The following ST18 variants were observed in gnomAD, a reference collection of about 807,000 sequenced individuals.
ST18 encodes the protein ST18 C2H2C-type zinc finger transcription factor.
A neutral mutation model predicts 110.0 loss-of-function variants in ST18; 50 were observed. The observed-to-expected ratio is 0.45, with a 90% CI of 0.36 to 0.58. ST18 has a LOEUF of 0.58. Ranked by LOEUF, ST18 falls within the 20% of genes least tolerant of loss-of-function variation. The pLI, the probability that ST18 is intolerant of heterozygous loss-of-function variation, is 0.00. For missense variants in ST18, 1,306 were observed against 1,280.1 expected (o/e 1.02, Z -0.31); for synonymous variants, 461 against 452.4 (o/e 1.02, Z -0.24).
intron 2 of ST18, among the ~76,000 whole-genome samples, chr8:52,326,282 C>G (rs1806363723): frequency 6.6e-6 from 1 of 152,096 alleles, no homozygotes; most frequent in South Asian, 2.1e-4. Context: ...AAGGGGAGGA[C>G]AGAGGGAGTT....
intron 9 of ST18, among the ~76,000 whole-genome samples, chr8:52,175,545 G>C (rs994194476): frequency 6.6e-6 from 1 of 152,142 alleles, no homozygotes; most frequent in East Asian, 1.9e-4. Flanking sequence ...ACAGGCCCTT[G>C]GTTGCCTGAG....
intron 3 of ST18, chr8:52,222,188 C>T (rs143619906): frequency 2.6e-5 from 4 of 152,326 alleles, no homozygotes; most frequent in African/African-American, 9.6e-5. Context: ...AGAACTGAAT[C>T]ACATAAGGGA....
chr8:52,221,106 T>TCTATCTATCTATCTATCTATCTATCTAC (rs1372768303), intron 4 of ST18, among the ~76,000 whole-genome samples: 17 of 151,334 alleles, frequency 1.1e-4, no homozygotes, highest in Admixed American at 6.6e-5. Context: ...TATCTATCTA[T>TCTATCTATCTATCTATCTATCTATCTAC]CTATCTATCT....
upstream of ST18, chr8:52,409,771 C>G (rs1427480645): frequency 1.3e-5 from 2 of 152,274 alleles, no homozygotes; most frequent in African/African-American, 4.8e-5. Flanking sequence ...CGCAGAGGCG[C>G]TGCAACTTGC....
At position 52,165,213 on chromosome 8, in the gene ST18, T is replaced by C; in HGVS notation, c.1217A>G (p.His406Arg). 1.2e-6 allele frequency: 2 copies of C among 1,614,238 alleles called. No individual in the cohort carries two copies. Among genetic ancestry groups the C allele is most frequent in the South Asian group, 1.1e-5 (1 of 91,086 alleles). ...VRVPLEILAM[H>R]ENVLKCPTPG... ...CGTGGGACACTTGAGCACATTTTCATGCATGGCAAGAACTAAGCACAAAAC... is the reference window on the plus strand; with the variant it reads ...CGTGGGACACTTGAGCACATTTTCACGCATGGCAAGAACTAAGCACAAAAC... The change falls in exon 12 of 26, where the codon CAT becomes CGT. Residue 406 changes from histidine (H) to arginine (R), a missense_variant. Coordinates refer to ENST00000689386, the MANE Select transcript of ST18 (RefSeq NM_001352837.2).
intron 2 of ST18, among the ~76,000 whole-genome samples, chr8:52,379,639 C>T (rs1334806666): frequency 2.6e-5 from 4 of 151,830 alleles, no homozygotes; most frequent in Admixed American, 2.6e-4. Context: ...GTCACAAATA[C>T]ATAAAATATT....
chr8:52,178,806 G>C (rs891742807), intron 9 of ST18, among the ~76,000 whole-genome samples: 5 of 151,562 alleles, frequency 3.3e-5, no homozygotes, highest in Non-Finnish European at 7.4e-5. Context: ...ATACAGAAAA[G>C]CCAAAGAATT....
chr8:52,262,077 C>T (rs949631189), intron 2 of ST18, among the ~76,000 whole-genome samples: 16 of 152,254 alleles, frequency 1.1e-4, no homozygotes, highest in East Asian at 3.9e-4. Context: ...TGTTGAGGGC[C>T]TTCTTGCTGT....
chr8:52,146,488 T>C (rs1287384495), intron 16 of ST18, among the ~76,000 whole-genome samples: 4 of 152,058 alleles, frequency 2.6e-5, no homozygotes, highest in Admixed American at 2.6e-4. Flanking sequence ...TTTTTCTTTG[T>C]TGTAGGGAAT....
chr8:52,271,598 T>C (rs565775173), intron 2 of ST18, among the ~76,000 whole-genome samples: 1 of 152,216 alleles, frequency 6.6e-6, no homozygotes, highest in African/African-American at 2.4e-5. Context: ...GGTTTTCCTT[T>C]AGTTTCTCTG....
chr8:52,270,279 G>A (rs571387858), intron 2 of ST18, among the ~76,000 whole-genome samples: 15 of 152,190 alleles, frequency 9.9e-5, no homozygotes, highest in Middle Eastern at 3.4e-3. Flanking sequence ...AGTGGATGAC[G>A]TCAACACACT....
In ST18 at chr8:52,149,326, A is replaced by G. The variant is rs182325285; in HGVS notation, c.2052+406T>C. Among the ~76,000 whole-genome samples, 8 of 152,384 alleles carry G rather than the reference A, an allele frequency of 5.2e-5. No homozygotes were observed. The East Asian group carries it at 9.6e-4, about 18-fold the overall frequency. ...ACAAAACCATGGAAAGAAATTTGAC[A>G]TGACTCAAAGATTCTTACTTGACCC... On this transcript the variant is annotated intron_variant, in intron 16 of 25. Coordinates refer to ENST00000689386, the MANE Select transcript of ST18 (RefSeq NM_001352837.2).
At chr8:52,149,572 C>T (rs562822770) in intron 16 of ST18, among the ~76,000 whole-genome samples, 160 bp downstream of exon 16, 1 of 152,268 alleles carries the variant, frequency 6.6e-6, no homozygotes, top group South Asian at 2.1e-4. Context: ...AATGAATTTC[C>T]TCTGACATTA....
chr8:52,362,100 T>C (rs189400566), intron 2 of ST18, among the ~76,000 whole-genome samples: 1 of 152,226 alleles, frequency 6.6e-6, no homozygotes, highest in Non-Finnish European at 1.5e-5. Context: ...TTTCGTTTCA[T>C]GCTATCTGAG....
At chr8:52,340,569 T>A (rs1814468759) in intron 2 of ST18, among the ~76,000 whole-genome samples, 2 of 152,192 alleles carry the variant, frequency 1.3e-5, no homozygotes, top group Non-Finnish European at 2.9e-5. Flanking sequence ...ATCACCTGGG[T>A]ATGATTTCAT....
chr8:52,119,374 A>G (rs1437591822), intron 23 of ST18, among the ~76,000 whole-genome samples: 1 of 152,152 alleles, frequency 6.6e-6, no homozygotes, highest in African/African-American at 2.4e-5. Flanking sequence ...ACCTCCTAGA[A>G]GAATGAATCT....
chr8:52,259,402 C>A (rs1252995450), intron 2 of ST18, among the ~76,000 whole-genome samples: 1 of 152,184 alleles, frequency 6.6e-6, no homozygotes, highest in Non-Finnish European at 1.5e-5. Flanking sequence ...CCACTTCATA[C>A]TTGCAATATT....
intron 15 of ST18, among the ~76,000 whole-genome samples, chr8:52,156,332 G>T (rs530342795): frequency 5.3e-5 from 8 of 152,188 alleles, no homozygotes; most frequent in Non-Finnish European, 1.2e-4. Context: ...TGAAAGTTTG[G>T]AGTAAGGAGA....
chr8:52,403,854 T>C (rs1843597626), intron 2 of ST18: 1 of 152,192 alleles, frequency 6.6e-6, no homozygotes, highest in Non-Finnish European at 1.5e-5. Flanking sequence ...AATCATGCCT[T>C]GGTAAATTAC....
Sources: gnomAD v4.1 joint callset for allele counts (sites outside exome capture counted in the v4.1 genomes callset) on GRCh38, gnomAD v4.1.1 for gene constraint, MANE v1.5 for transcripts, NCBI Gene and HGNC (gene_info 2026-07-23, HGNC 2026-07-21) for gene names.